Variants in TFDP2 observed in about 807,000 individuals in gnomAD.
The protein encoded by TFDP2 is transcription factor Dp-2.
A neutral mutation model predicts 59.3 loss-of-function variants in TFDP2; 17 were observed. That is an observed-to-expected ratio of 0.29 (90% CI 0.20 to 0.43). The LOEUF (loss-of-function observed/expected upper bound fraction) is 0.43. TFDP2 is among the 20% of genes least tolerant of loss of function. The probability of loss-of-function intolerance (pLI) is 1.00; values close to 1 mark genes in which losing one functional copy is unlikely to be tolerated. For missense variants in TFDP2, 391 were observed against 528.8 expected, an observed-to-expected ratio of 0.74 and a Z score of 2.56; for synonymous variants, 180 against 194.7, an observed-to-expected ratio of 0.92 and a Z score of 0.63.
chr3:142,076,261 T>A (rs2060455139), intron 3 of TFDP2, among the ~76,000 whole-genome samples: 1 of 151,894 alleles, frequency 6.6e-6, no homozygotes, highest in South Asian at 2.1e-4. Context: ...GAATTTCTAG[T>A]TGTTATTTGC....
intron 1 of TFDP2, among the ~76,000 whole-genome samples, chr3:142,114,008 C>CA (rs1045843339): frequency 1.2e-4 from 18 of 151,974 alleles, no homozygotes; most frequent in South Asian, 2.1e-4. Context: ...ACTAAAAATA[C>CA]AAAAAAATTA....
intron 3 of TFDP2, among the ~76,000 whole-genome samples, chr3:142,053,098 G>A (rs143979161): frequency 4.6e-5 from 7 of 152,294 alleles, no homozygotes; most frequent in East Asian, 1.9e-4. Flanking sequence ...GTGAGCCACC[G>A]CGCCCAGCCC....
At chr3:141,954,519 C>T (rs1041667184) in intron 11 of TFDP2, among the ~76,000 whole-genome samples, 1 of 151,880 alleles carries the variant, frequency 6.6e-6, no homozygotes, top group Non-Finnish European at 1.5e-5. Context: ...TGCCTGTAAT[C>T]CCAGCTACTA....
At chr3:142,045,062 A>AT (rs1434475191) in intron 3 of TFDP2, among the ~76,000 whole-genome samples, 2 of 151,986 alleles carry the variant, frequency 1.3e-5, no homozygotes, top group Non-Finnish European at 2.9e-5. Flanking sequence ...ATACCATCTA[A>AT]TATTGTTTCC....
At chr3:142,035,353 C>A (rs1946641948) in intron 3 of TFDP2, among the ~76,000 whole-genome samples, 1 of 152,104 alleles carries the variant, frequency 6.6e-6, no homozygotes, top group Non-Finnish European at 1.5e-5. Flanking sequence ...AAATTTCTAT[C>A]TTTTTATGGC....
rs542596884 is a variant in TFDP2 at position 141,978,037 on chromosome 3, CA to C, written c.519+482del. On this transcript the variant is annotated intron_variant, in intron 7 of 12. Transcript: ENST00000489671. ...ATATTTTTTAAATGTTAAAAAAAAA[CA>C]AAAAAAAACAAAAAAAACAACTAAG... 5.1e-3 allele frequency among the ~76,000 whole-genome samples: 727 copies of C among 142,100 alleles called. 6 individuals carry two copies. Among genetic ancestry groups the C allele is most frequent in the African/African-American group, 0.018 (692 of 39,178 alleles). 93.2% of individuals were successfully genotyped at this position (142,100 alleles called of 152,430 possible). A position where few individuals can be genotyped will look rare whatever the true frequency, so the allele number is the denominator to read the frequency against.
rs1190746794 is a variant in TFDP2 at position 141,949,930 on chromosome 3, C to T, written c.*2583G>A. The T allele has an allele frequency of 2.6e-5, 4 of 151,048 alleles. No individual in the cohort carries two copies. Among genetic ancestry groups the T allele is most frequent in the Non-Finnish European group, 5.9e-5 (4 of 68,152 alleles). The allele number at this position is 151,048 out of a possible 1,614,324, so 9.4% of individuals were successfully genotyped here. On this transcript the variant is annotated 3_prime_UTR_variant, in exon 13 of 13. Transcript: ENST00000489671. ...TCAAGCAATCCTCCCACCTCAGCCT[C>T]TTGAGTAGCCAGGACTACAGGCATG...
At chr3:142,043,794 C>A in intron 3 of TFDP2, 1 of 1,596,804 alleles carries the variant, frequency 6.3e-7, no homozygotes, top group African/African-American at 1.3e-5. Flanking sequence ...TGTGGATGTG[C>A]TCCATGAGAA....
At position 142,131,353 on chromosome 3, in the gene TFDP2, A is replaced by G. The variant is rs2108728300; in HGVS notation, c.-93+17830T>C. The stretch of plus-strand genomic sequence containing the variant: ...TTTACAAGGAGAAACTAAGAAATCC[A>G]CAATCATACAAGACAATTTTAATAC... On this transcript the variant is annotated intron_variant, in intron 1 of 12. Transcript: ENST00000489671. Among the ~76,000 whole-genome samples the G allele has an allele frequency of 2.7e-5, 4 of 150,390 alleles. No individual in the cohort carries two copies. In the Middle Eastern group the frequency reaches 0.01, roughly 384 times the overall value.
chr3:142,129,110 A>C (rs1236753683), intron 1 of TFDP2, among the ~76,000 whole-genome samples: 1 of 152,172 alleles, frequency 6.6e-6, no homozygotes, highest in Non-Finnish European at 1.5e-5. Flanking sequence ...ACAAGGCCTC[A>C]GAAACCTTGT....
At chr3:141,974,588 CAAT>C (rs1169177830) in intron 7 of TFDP2, among the ~76,000 whole-genome samples, 1 of 151,950 alleles carries the variant, frequency 6.6e-6, no homozygotes, top group Non-Finnish European at 1.5e-5. Context: ...CTGTATAAAA[CAAT>C]AATAATGCCT....
At chr3:142,014,376 T>A (rs1316024713) in intron 3 of TFDP2, among the ~76,000 whole-genome samples, 1 of 151,940 alleles carries the variant, frequency 6.6e-6, no homozygotes, top group Non-Finnish European at 1.5e-5. Flanking sequence ...TCTCAAACTC[T>A]TGAGCTCAAG....
chr3:142,067,409 AATATAT>A (rs149996397), intron 3 of TFDP2, among the ~76,000 whole-genome samples: 1 of 149,436 alleles, frequency 6.7e-6, no homozygotes, highest in African/African-American at 2.5e-5. Context: ...AAATCCAATA[AATATAT>A]ATATATATAT....
chr3:142,081,126 A>G (rs770796263), intron 3 of TFDP2, among the ~76,000 whole-genome samples: 1 of 152,246 alleles, frequency 6.6e-6, no homozygotes, highest in Non-Finnish European at 1.5e-5. Flanking sequence ...TTGAAATATT[A>G]TGAAGCATCT....
rs769850667 is a variant in TFDP2, at chr3:141,974,153, A to G, written c.558T>C (p.Asp186=). Residue 186 remains aspartate (D), a synonymous_variant, in exon 8 of 13, where the codon GAT becomes GAC. Transcript: ENST00000489671. ...TCATTGCCATTAGCACATTTAAAGC[A>G]TCATAAACTCTTCGCCTAATGTTCT... ...DQKNIRRRVY[D]ALNVLMAMNI... The G allele has an allele frequency of 5.0e-6, 8 of 1,609,512 alleles. No individual in the cohort carries two copies. The highest frequency in any genetic ancestry group is 1.7e-5 in the Admixed American group (1 of 58,702).
chr3:141,952,267 C>T lies in TFDP2; in HGVS notation c.*246G>A, dbSNP rs1384822173. 4 of 373,848 alleles carry T rather than the reference C, an allele frequency of 1.1e-5. No individual in the cohort carries two copies. The highest frequency in any genetic ancestry group is 1.4e-5 in the Non-Finnish European group (3 of 212,936). The allele number at this position is 373,848 out of a possible 1,614,324, so 23.2% of individuals were successfully genotyped here. ...CTTCAGGGATTATCCCCACTATCTC[C>T]TCAGAAAGCATGCTTTCTTTGTTAT... On this transcript the variant is annotated 3_prime_UTR_variant, in exon 13 of 13. Coordinates refer to ENST00000489671, the MANE Select transcript of TFDP2 (RefSeq NM_001178139.2).
At chr3:142,119,917 G>A (rs1468330161) in intron 1 of TFDP2, among the ~76,000 whole-genome samples, 1 of 152,072 alleles carries the variant, frequency 6.6e-6, no homozygotes, top group Non-Finnish European at 1.5e-5. Flanking sequence ...GGGCATGGTG[G>A]TGCGCGCCTG....
intron 3 of TFDP2, among the ~76,000 whole-genome samples, chr3:142,034,262 A>C (rs1220084834): frequency 1.3e-5 from 2 of 151,150 alleles, no homozygotes; most frequent in Non-Finnish European, 3.0e-5. Flanking sequence ...CGCCTGGCTA[A>C]TTTTTTTTGT....
intron 3 of TFDP2, among the ~76,000 whole-genome samples, chr3:142,045,902 C>T (rs1576827589): frequency 3.3e-5 from 5 of 152,018 alleles, no homozygotes; most frequent in East Asian, 1.9e-4. Context: ...GGATTACAGG[C>T]GTGAGCCACT....
Sources: allele counts gnomAD v4.1 joint callset (sites outside exome capture counted in the v4.1 genomes callset), GRCh38; gene constraint gnomAD v4.1.1; transcripts MANE v1.5; gene names NCBI Gene and HGNC (gene_info 2026-07-23, HGNC 2026-07-21).